Variants in GRM8 observed in about 807,000 individuals in gnomAD.
GRM8 encodes the protein glutamate metabotropic receptor 8.
In GRM8, 47 loss-of-function variants were observed where a neutral mutation model predicts 87.2. The observed-to-expected ratio is 0.54, with a 90% CI of 0.43 to 0.69. The LOEUF is 0.69. GRM8 is among the 30% of genes least tolerant of loss of function. GRM8 has a pLI of 0.00. For missense variants in GRM8, 1,019 were observed against 1,139.2 expected (o/e 0.89, Z 1.52); for synonymous variants, 396 against 404.5 (o/e 0.98, Z 0.25).
intron 6 of GRM8, among the ~76,000 whole-genome samples, chr7:126,884,791 A>C (rs894889380): frequency 2.0e-5 from 3 of 152,186 alleles, no homozygotes; most frequent in African/African-American, 7.2e-5. Flanking sequence ...TTACAATTTA[A>C]TAAGAGATAA....
At chr7:126,845,058 C>A (rs1586169740) in intron 6 of GRM8, among the ~76,000 whole-genome samples, 1 of 152,204 alleles carries the variant, frequency 6.6e-6, no homozygotes, top group South Asian at 2.1e-4. Context: ...CCTTGCCCCT[C>A]TTGCCCTCTG....
intron 2 of GRM8, among the ~76,000 whole-genome samples, chr7:127,167,236 T>G (rs1793508782): frequency 6.6e-6 from 1 of 152,166 alleles, no homozygotes; most frequent in African/African-American, 2.4e-5. Context: ...AAAACCAGTC[T>G]GCTCCTTATC....
intron 3 of GRM8, among the ~76,000 whole-genome samples, chr7:126,972,226 G>A (rs1276544716): frequency 6.6e-6 from 1 of 152,162 alleles, no homozygotes; most frequent in Admixed American, 6.5e-5. Context: ...GGATAATACA[G>A]TACTGTGGGT....
chr7:126,447,408 TC>T (rs1195692118), intron 9 of GRM8, among the ~76,000 whole-genome samples: 20 of 152,012 alleles, frequency 1.3e-4, no homozygotes, highest in African/African-American at 4.8e-4. Context: ...AAAGAGATTC[TC>T]CCTTTGTCAT....
intron 6 of GRM8, among the ~76,000 whole-genome samples, chr7:126,786,969 A>G (rs1486543609): frequency 6.6e-6 from 1 of 152,186 alleles, no homozygotes; most frequent in African/African-American, 2.4e-5. Context: ...CTGGGTCACA[A>G]TGCTGGCTCT....
chr7:127,073,556 C>A (rs925866239), intron 3 of GRM8, among the ~76,000 whole-genome samples: 4 of 152,122 alleles, frequency 2.6e-5, no homozygotes, highest in Admixed American at 2.0e-4. Context: ...GTGTGGGGAC[C>A]TTTATTAGTC....
At chr7:126,626,612 G>A (rs1366618611) in intron 7 of GRM8, among the ~76,000 whole-genome samples, 2 of 152,086 alleles carry the variant, frequency 1.3e-5, no homozygotes, top group African/African-American at 4.8e-5. Flanking sequence ...AATACCAATG[G>A]TCAATATAAA....
intron 2 of GRM8, among the ~76,000 whole-genome samples, chr7:127,168,329 T>C (rs1563554443): frequency 6.6e-6 from 1 of 152,088 alleles, no homozygotes. Flanking sequence ...CTAGGTAGAA[T>C]GGTGATCACT....
chr7:126,890,819 G>A (rs1326441452), intron 6 of GRM8, among the ~76,000 whole-genome samples: 2 of 151,848 alleles, frequency 1.3e-5, no homozygotes, highest in African/African-American at 4.8e-5. Flanking sequence ...GGAATGGCAG[G>A]GTCCTCTCCT....
intron 3 of GRM8, among the ~76,000 whole-genome samples, chr7:127,002,903 C>A (rs1395820104): frequency 1.3e-5 from 2 of 151,668 alleles, no homozygotes; most frequent in African/African-American, 2.4e-5. Context: ...ACCATTAATA[C>A]TAATACTATG....
Position 126,924,077 on chromosome 7 carries a change from C to T in GRM8, c.728-19394G>A, listed in dbSNP as rs1804829470. Among the ~76,000 whole-genome samples, 5 of 152,268 alleles carry T rather than the reference C, an allele frequency of 3.3e-5. No individual in the cohort carries two copies. The South Asian group carries it at 1.0e-3, about 32-fold the overall frequency. On this transcript the variant is annotated intron_variant, in intron 3 of 10. Transcript: ENST00000339582. Reference sequence around the variant, plus strand: ...TTTCCAACAGCAAATGGGCCACCTACATCTAGACTCCTTGCTGAATGAAGA... The same window carrying T: ...TTTCCAACAGCAAATGGGCCACCTATATCTAGACTCCTTGCTGAATGAAGA...
chr7:127,059,628 G>C (rs975036928), intron 3 of GRM8, among the ~76,000 whole-genome samples: 3 of 151,906 alleles, frequency 2.0e-5, no homozygotes, highest in Non-Finnish European at 2.9e-5. Flanking sequence ...GAGCCACCGC[G>C]CCCGGCCCAT....
intron 3 of GRM8, among the ~76,000 whole-genome samples, chr7:127,062,074 G>A (rs1187708489): frequency 1.6e-4 from 25 of 151,660 alleles, no homozygotes; most frequent in Non-Finnish European, 5.9e-5. Context: ...AACCCAGGAG[G>A]CAGAGGTTGC....
rs1208730157 is a variant in GRM8, at chr7:127,030,760, C to T, written c.727+75736G>A. 4.6e-5 allele frequency among the ~76,000 whole-genome samples: 7 copies of T among 152,224 alleles called. No individual in the cohort carries two copies. In the East Asian group the frequency reaches 1.4e-3, roughly 30 times the overall value. On this transcript the variant is annotated intron_variant, in intron 3 of 10. Coordinates refer to ENST00000339582, the MANE Select transcript of GRM8 (RefSeq NM_000845.3). ...GTGTCCATTTAGCTAAAATGTGCAT[C>T]TATTTAACCTATTTCGGCCAACTTA...
intron 6 of GRM8, among the ~76,000 whole-genome samples, chr7:126,880,429 G>A (rs1394698468): frequency 6.6e-6 from 1 of 152,110 alleles, no homozygotes; most frequent in Non-Finnish European, 1.5e-5. Flanking sequence ...CTGAAATATT[G>A]TTAACTAAAT....
At chr7:126,686,907 A>G (rs1808251367) in intron 7 of GRM8, among the ~76,000 whole-genome samples, 1 of 152,208 alleles carries the variant, frequency 6.6e-6, no homozygotes, top group Admixed American at 6.5e-5. Context: ...TATGTGAAAA[A>G]CCAGCCCAGG....
At chr7:126,962,124 C>T (rs1418015754) in intron 3 of GRM8, among the ~76,000 whole-genome samples, 1 of 152,182 alleles carries the variant, frequency 6.6e-6, no homozygotes, top group Non-Finnish European at 1.5e-5. Context: ...AACTGTCCTG[C>T]TCAGAATGCT....
At chr7:126,555,711 T>C (rs929326907) in intron 8 of GRM8, among the ~76,000 whole-genome samples, 2 of 152,242 alleles carry the variant, frequency 1.3e-5, no homozygotes, top group Non-Finnish European at 2.9e-5. Flanking sequence ...TCAAACTTTA[T>C]AGCTCTGTTT....
chr7:126,904,833 T>C, intron 3 of GRM8, 150 bp from the exon 4 acceptor site: 1 of 693,570 alleles, frequency 1.4e-6, no homozygotes, highest in East Asian at 2.5e-5. Flanking sequence ...CAATTGTTTG[T>C]TTGCATTATA....
Sources: allele counts gnomAD v4.1 joint callset (sites outside exome capture counted in the v4.1 genomes callset), GRCh38; gene constraint gnomAD v4.1.1; transcripts MANE v1.5; gene names NCBI Gene and HGNC (gene_info 2026-07-23, HGNC 2026-07-21).